The following EIF4A1 variants were observed in gnomAD, a reference collection of about 807,000 sequenced individuals.
EIF4A1 encodes eukaryotic translation initiation factor 4A1, also known as eukaryotic initiation factor 4A-I.
EIF4A1 carries 11 observed loss-of-function variants against 53.5 expected under a neutral mutation model. The observed-to-expected ratio is 0.21, with a 90% confidence interval of 0.13 to 0.34. EIF4A1 has a LOEUF of 0.34. Ranked by LOEUF, EIF4A1 falls within the 10% of genes least tolerant of loss-of-function variation. EIF4A1 has a pLI of 1.00. For missense variants in EIF4A1, 213 were observed against 530.8 expected (o/e 0.40, Z 5.88); for synonymous variants, 237 against 186.7 (o/e 1.27, Z -2.20).
Position 7,575,506 on chromosome 17 carries a change from G to C in EIF4A1, c.345+248G>C, listed in dbSNP as rs143284302. 274 of 617,010 alleles carry C rather than the reference G, an allele frequency of 4.4e-4. 4 individuals carry two copies. The East Asian group carries it at 7.1e-3, about 16-fold the overall frequency. 38.2% of individuals were successfully genotyped at this position (617,010 alleles called of 1,614,324 possible). Reference sequence around the variant, plus strand: ...CCTGGCTGGCTGGGCAAGTTTGACTGTGTTCTGAATAAGCACCTTCACTAT... The same window carrying C: ...CCTGGCTGGCTGGGCAAGTTTGACTCTGTTCTGAATAAGCACCTTCACTAT... On this transcript the variant is annotated intron_variant, in intron 4 of 10. Transcript: ENST00000293831.
At chr17:7,574,799 C>G in intron 3 of EIF4A1, 121 bp downstream of exon 3, 1 of 1,542,596 alleles carries the variant, frequency 6.5e-7, no homozygotes. Context: ...TTCATCCCAG[C>G]TTGGCTTTTG....
chr17:7,575,705 A>G, intron 4 of EIF4A1: 1 of 286,742 alleles, frequency 3.5e-6, no homozygotes, highest in Non-Finnish European at 6.9e-6. Context: ...CATGTTTTTA[A>G]ATGTTCTGTG....
intron 5 of EIF4A1, 96 bp downstream of exon 5, chr17:7,576,788 G>A (rs369821726): frequency 6.5e-7 from 1 of 1,548,230 alleles, no homozygotes; most frequent in Non-Finnish European, 8.8e-7. Flanking sequence ...CAAGGATGCT[G>A]GTTTCTCTCT....
At chr17:7,576,960 T>A (rs1341225224) in intron 5 of EIF4A1, 96 bp from the exon 6 acceptor site, 1 of 1,457,022 alleles carries the variant, frequency 6.9e-7, no homozygotes, top group East Asian at 2.3e-5. Flanking sequence ...AGCAGACTAC[T>A]TGGCTCCTCT....
chr17:7,575,613 C>G (rs1229124014), intron 4 of EIF4A1: 1 of 383,476 alleles, frequency 2.6e-6, no homozygotes, highest in Non-Finnish European at 5.0e-6. Context: ...TGCTTAATAG[C>G]CAGAGCTGTT....
chr17:7,575,402 A>G (rs1038885745), intron 4 of EIF4A1, 144 bp downstream of exon 4: 9 of 1,211,660 alleles, frequency 7.4e-6, no homozygotes, highest in Non-Finnish European at 1.2e-6. Context: ...GGGTTAATTA[A>G]AAGCTATTTC....
At chr17:7,576,858 G>A in intron 5 of EIF4A1, 166 bp downstream of exon 5, 2 of 1,391,540 alleles carry the variant, frequency 1.4e-6, no homozygotes, top group South Asian at 1.2e-5. Flanking sequence ...TGGCTTCCCT[G>A]CCAGTGCAGC....
In EIF4A1 at chr17:7,577,612, C is replaced by T; in HGVS notation, c.812C>T (p.Thr271Ile). ...CTATGTGACTTGTATGAAACCCTGA[C>T]CATCACCCAGGCAGTCATCTTCATC... is the stretch of plus-strand genomic sequence containing the variant. ...DTLCDLYETLTITQAVIFINT... is the reference protein window; with the variant it reads ...DTLCDLYETLIITQAVIFINT... The change falls in exon 8 of 11, where the codon ACC becomes ATC. Residue 271 changes from threonine to isoleucine, a missense_variant. Thr to Ile is a moderately conservative substitution (Grantham distance 89, BLOSUM62 -1). Around this residue, in one of 4 missense-constraint regions of EIF4A1, gnomAD observed 119 missense variants for 351.0 expected, o/e 0.34. Coordinates refer to ENST00000293831, the MANE Select transcript of EIF4A1 (RefSeq NM_001416.4). This position sits in a 1 kb window ranked among gnomAD's most constrained non-coding sequence, Gnocchi z 4.7. 1.2e-6 allele frequency: 2 copies of T among 1,613,634 alleles called. No homozygotes were observed. The highest frequency in any genetic ancestry group is 1.7e-6 in the Non-Finnish European group (2 of 1,179,958).
At position 7,578,672 on chromosome 17, in the gene EIF4A1, C is replaced by G. The variant is rs568806217; in HGVS notation, c.*186C>G. Reference sequence around the variant, plus strand: ...TAGACACCCTTTTCTTTGGGGTAGGCTCTTGCCCCAGGCGCCGGCTCTTCT... The same window carrying G: ...TAGACACCCTTTTCTTTGGGGTAGGGTCTTGCCCCAGGCGCCGGCTCTTCT... On this transcript the variant is annotated 3_prime_UTR_variant, in exon 11 of 11. Transcript: ENST00000293831. The G allele has an allele frequency of 4.2e-5, 24 of 571,308 alleles. No individual in the cohort carries two copies. Among genetic ancestry groups the G allele is most frequent in the Non-Finnish European group, 5.6e-5 (21 of 374,578 alleles). 35.4% of individuals were successfully genotyped at this position (571,308 alleles called of 1,614,324 possible). A position where few individuals can be genotyped will look rare whatever the true frequency, so the allele number is the denominator to read the frequency against.
chr17:7,574,473 C>G, intron 2 of EIF4A1, 73 bp from the exon 3 acceptor site: 4 of 1,604,384 alleles, frequency 2.5e-6, no homozygotes, highest in Non-Finnish European at 2.6e-6. Flanking sequence ...GCACCAGATT[C>G]TGTTTGCTCG....
At chr17:7,576,795 C>T in intron 5 of EIF4A1, 103 bp downstream of exon 5, 2 of 1,543,618 alleles carry the variant, frequency 1.3e-6, no homozygotes, top group East Asian at 2.3e-5. Flanking sequence ...GCTGGTTTCT[C>T]TCTGGGGGAA....
chr17:7,576,859 C>A, intron 5 of EIF4A1, 167 bp downstream of exon 5: 1 of 1,380,230 alleles, frequency 7.2e-7, no homozygotes, highest in Non-Finnish European at 1.0e-6. Flanking sequence ...GGCTTCCCTG[C>A]CAGTGCAGCC....
chr17:7,576,746 T>G (rs1380488200), intron 5 of EIF4A1, 54 bp downstream of exon 5: 1 of 1,566,206 alleles, frequency 6.4e-7, no homozygotes, highest in Non-Finnish European at 8.7e-7. Context: ...GTGCACGCTT[T>G]CCAGTCTTTC....
intron 3 of EIF4A1, chr17:7,574,902 GTT>G: frequency 9.8e-7 from 1 of 1,024,426 alleles, no homozygotes; most frequent in Non-Finnish European, 1.5e-6. Context: ...CTACAGCCAT[GTT>G]TCTAGTCCAG....
At chr17:7,576,372 T>G (rs1222618795) in intron 4 of EIF4A1, 152 bp from the exon 5 acceptor site, 5 of 1,024,014 alleles carry the variant, frequency 4.9e-6, no homozygotes, top group Non-Finnish European at 6.7e-6. Context: ...TTAAGTGGAT[T>G]TTAGCCTCTG....
chr17:7,576,036 G>C (rs1597849830), intron 4 of EIF4A1: 1 of 155,904 alleles, frequency 6.4e-6, no homozygotes, highest in East Asian at 1.9e-4. Flanking sequence ...AGCCAGGCAT[G>C]GTGGCGTGTG....
intron 2 of EIF4A1, 79 bp downstream of exon 2, chr17:7,574,387 AT>A: frequency 1.9e-6 from 3 of 1,609,770 alleles, no homozygotes; most frequent in Non-Finnish European, 2.5e-6. Context: ...CTCTTGATTG[AT>A]TTCCCAGATC....
At position 7,578,855 on chromosome 17, in the gene EIF4A1, A is replaced by T. The variant is rs781219405; in HGVS notation, c.*369A>T. 1 of 174,912 alleles carries T rather than the reference A, an allele frequency of 5.7e-6. No individual in the cohort carries two copies. The allele number at this position is 174,912 out of a possible 1,614,324, so 10.8% of individuals were successfully genotyped here. A position where few individuals can be genotyped will look rare whatever the true frequency, so the allele number is the denominator to read the frequency against. The stretch of plus-strand genomic sequence containing the variant: ...GACCAAATCTGGAGGGAGAACCCCT[A>T]AAACCCCTAAGTGAGGTTGCCCAGG... On this transcript the variant is annotated 3_prime_UTR_variant, in exon 11 of 11. Transcript: ENST00000293831.
Position 7,577,937 on chromosome 17 carries a change from G to A in EIF4A1, c.996+21G>A. 6.2e-7 allele frequency: 1 copy of A among 1,613,966 alleles called. No homozygotes were observed. Among genetic ancestry groups the A allele is most frequent in the Non-Finnish European group, 8.5e-7 (1 of 1,179,836 alleles). ...TGCTGGTGAGTAGAGGGAACTGATA[G>A]CAAAGGCAGAAGGGAGGATCCAAGG... is the stretch of plus-strand genomic sequence containing the variant. On this transcript the variant is annotated intron_variant, in intron 9 of 10. Transcript: ENST00000293831. This position sits in a 1 kb window ranked among gnomAD's most constrained non-coding sequence, Gnocchi z 4.7.
Sources: allele counts gnomAD v4.1 joint callset, GRCh38; gene constraint gnomAD v4.1.1; regional missense constraint gnomAD v4.1.1; non-coding constraint Gnocchi (gnomAD v3.1); transcripts MANE v1.5; gene names NCBI Gene and HGNC (gene_info 2026-07-23, HGNC 2026-07-21).